MYOZ2: variants seen among roughly 807,000 people sequenced by gnomAD.
The protein encoded by MYOZ2 is myozenin-2.
A neutral mutation model predicts 25.4 loss-of-function variants in MYOZ2; 19 were observed. The observed-to-expected ratio is 0.75, with a 90% confidence interval of 0.52 to 1.10. MYOZ2 has a LOEUF of 1.10. MYOZ2 is among the 50% of genes least tolerant of loss of function. The pLI, the probability that MYOZ2 is intolerant of heterozygous loss-of-function variation, is 0.00. For synonymous variants in MYOZ2, 92 were observed against 106.9 expected (o/e 0.86, Z 0.86); for missense variants, 270 against 317.9 (o/e 0.85, Z 1.15).
intron 2 of MYOZ2, among the ~76,000 whole-genome samples, chr4:119,146,987 T>C (rs1262334801): frequency 6.6e-6 from 1 of 152,182 alleles, no homozygotes; most frequent in Non-Finnish European, 1.5e-5. Flanking sequence ...TTTCTGGTAA[T>C]CTTTGTTGCT....
intron 5 of MYOZ2, among the ~76,000 whole-genome samples, chr4:119,165,282 G>T (rs1741798940): frequency 6.6e-6 from 1 of 151,368 alleles, no homozygotes; most frequent in African/African-American, 2.4e-5. Flanking sequence ...GGCTGAGGTG[G>T]GTGGATCACT....
At position 119,162,758 on chromosome 4, in the gene MYOZ2, G is replaced by A. The variant is rs28419006; in HGVS notation, c.377-1453G>A. Among the ~76,000 whole-genome samples, 568 of 152,252 alleles carry A rather than the reference G, an allele frequency of 3.7e-3. 6 individuals are homozygous for A. Among genetic ancestry groups the A allele is most frequent in the African/African-American group, 0.013 (547 of 41,552 alleles). ...TTAGAAATCCTTAGGTAGTATAGTT[G>A]GTAACACTTTGTGATTTGTTGTGGG... On this transcript the variant is annotated intron_variant, in intron 4 of 5. Transcript: ENST00000307128.
intron 5 of MYOZ2, among the ~76,000 whole-genome samples, chr4:119,173,938 C>T (rs959390674): frequency 1.9e-4 from 29 of 152,322 alleles, no homozygotes; most frequent in African/African-American, 5.5e-4. Flanking sequence ...GGGCCAGCGG[C>T]GGTGGGGGGT....
At chr4:119,173,603 A>G (rs72910582) in intron 5 of MYOZ2, among the ~76,000 whole-genome samples, 35,955 of 152,154 alleles carry the variant, frequency 0.24, 4,326 homozygotes, top group Middle Eastern at 0.29. Context: ...TGGTAGTGAG[A>G]GGTGACAGCG....
chr4:119,186,446 C>T lies in MYOZ2; in HGVS notation c.*246C>T. 2.1e-6 allele frequency: 1 copy of T among 470,814 alleles called. No individual in the cohort carries two copies. The allele number at this position is 470,814 out of a possible 1,614,324, so 29.2% of individuals were successfully genotyped here. A position where few individuals can be genotyped will look rare whatever the true frequency, so the allele number is the denominator to read the frequency against. ...TTTGTTTTCACCTGGTTTAAAGAAT[C>T]CAGATATTTTACTGCAAAAGTTCAG... On this transcript the variant is annotated 3_prime_UTR_variant, in exon 6 of 6. Coordinates refer to ENST00000307128, the MANE Select transcript of MYOZ2 (RefSeq NM_016599.5).
At chr4:119,177,205 T>G (rs1742093245) in intron 5 of MYOZ2, among the ~76,000 whole-genome samples, 1 of 152,212 alleles carries the variant, frequency 6.6e-6, no homozygotes. Flanking sequence ...ATCATTCCAT[T>G]TTACACACAT....
At chr4:119,153,657 C>A (rs775844833) in intron 3 of MYOZ2, among the ~76,000 whole-genome samples, 5 of 151,938 alleles carry the variant, frequency 3.3e-5, no homozygotes, top group Non-Finnish European at 5.9e-5. Context: ...ATGTTGAAGA[C>A]CTCATATAAA....
chr4:119,173,846 G>T (rs1248470751), intron 5 of MYOZ2, among the ~76,000 whole-genome samples: 1 of 152,230 alleles, frequency 6.6e-6, no homozygotes, highest in Non-Finnish European at 1.5e-5. Context: ...TGGAGTTCTG[G>T]GTGGGCATGG....
intron 5 of MYOZ2, among the ~76,000 whole-genome samples, chr4:119,168,587 T>C (rs2149226578): frequency 6.6e-6 from 1 of 152,094 alleles, no homozygotes; most frequent in South Asian, 2.1e-4. Context: ...TTGGAGGAAG[T>C]AAATAAAGAT....
intron 4 of MYOZ2, 117 bp from the exon 5 acceptor site, chr4:119,164,094 G>T (rs180891228): frequency 5.3e-6 from 5 of 949,188 alleles, no homozygotes; most frequent in Admixed American, 2.0e-5. Context: ...ATCATGAAAA[G>T]GATGCATGCT....
chr4:119,154,947 T>C (rs538382839), intron 3 of MYOZ2, among the ~76,000 whole-genome samples: 2 of 151,808 alleles, frequency 1.3e-5, no homozygotes, highest in Admixed American at 1.3e-4. Context: ...ACCAGGTACT[T>C]TATAAAGAAA....
At chr4:119,176,235 T>G (rs943534091) in intron 5 of MYOZ2, among the ~76,000 whole-genome samples, 1 of 152,186 alleles carries the variant, frequency 6.6e-6, no homozygotes, top group Non-Finnish European at 1.5e-5. Context: ...CAAACTTTTT[T>G]TTTTAAAACA....
At chr4:119,151,957 T>G (rs1047179642) in intron 3 of MYOZ2, among the ~76,000 whole-genome samples, 8 of 152,160 alleles carry the variant, frequency 5.3e-5, no homozygotes, top group African/African-American at 1.4e-4. Flanking sequence ...TTTCCCTGAT[T>G]TATTTTATCA....
chr4:119,183,748 A>G (rs1423227885), intron 5 of MYOZ2, among the ~76,000 whole-genome samples: 2 of 151,070 alleles, frequency 1.3e-5, no homozygotes, highest in Non-Finnish European at 2.9e-5. Context: ...TACATAAAAC[A>G]CCTGAAATAC....
chr4:119,136,728 G>A, intron 2 of MYOZ2, 127 bp downstream of exon 2: 2 of 959,432 alleles, frequency 2.1e-6, no homozygotes, highest in South Asian at 1.4e-5. Flanking sequence ...CAAACCTGGA[G>A]CTCTAGGGGG....
intron 2 of MYOZ2, among the ~76,000 whole-genome samples, chr4:119,142,773 G>T (rs970513681): frequency 6.6e-6 from 1 of 152,158 alleles, no homozygotes; most frequent in African/African-American, 2.4e-5. Flanking sequence ...TTTTAGACTT[G>T]CAGGAAAGTG....
chr4:119,152,745 A>G (rs932827293), intron 3 of MYOZ2, among the ~76,000 whole-genome samples: 1 of 152,192 alleles, frequency 6.6e-6, no homozygotes, highest in Non-Finnish European at 1.5e-5. Flanking sequence ...TTGATAAATA[A>G]CACAAAGCAA....
chr4:119,180,591 T>C (rs1231495752), intron 5 of MYOZ2, among the ~76,000 whole-genome samples: 1 of 152,246 alleles, frequency 6.6e-6, no homozygotes, highest in Non-Finnish European at 1.5e-5. Context: ...ATTTTGCTCG[T>C]CACCCATGCT....
intron 5 of MYOZ2, among the ~76,000 whole-genome samples, chr4:119,176,976 A>T (rs1280614756): frequency 6.6e-6 from 1 of 152,154 alleles, no homozygotes; most frequent in African/African-American, 2.4e-5. Flanking sequence ...GTGACCACAC[A>T]CTGAGTACTG....
Sources: gnomAD v4.1 joint callset for allele counts (sites outside exome capture counted in the v4.1 genomes callset) on GRCh38, gnomAD v4.1.1 for gene constraint, MANE v1.5 for transcripts, NCBI Gene and HGNC (gene_info 2026-07-23, HGNC 2026-07-21) for gene names.